The following SYNE2 variants were observed in gnomAD, a reference collection of about 807,000 sequenced individuals.
The protein encoded by SYNE2 is nesprin-2.
In SYNE2, 431 loss-of-function variants were observed where a neutral mutation model predicts 856.3. The observed-to-expected ratio is 0.50, with a 90% confidence interval of 0.47 to 0.55. The LOEUF is 0.55. Ranked by LOEUF, SYNE2 falls within the 20% of genes least tolerant of loss-of-function variation. The probability of loss-of-function intolerance (pLI) is 0.00; values close to 1 mark genes in which losing one functional copy is unlikely to be tolerated. For synonymous variants in SYNE2, 2,923 were observed against 2,872.3 expected (o/e 1.02, Z -0.56); for missense variants, 8,129 against 8,023.2 (o/e 1.01, Z -0.50).
intron 65 of SYNE2, among the ~76,000 whole-genome samples, chr14:64,109,027 C>A (rs907236892): frequency 5.9e-5 from 9 of 152,006 alleles, no homozygotes; most frequent in African/African-American, 1.9e-4. Flanking sequence ...AGGCACACAC[C>A]ATCACGCCTG....
chr14:63,807,865 A>ATATT (rs1267385896), intron 1 of SYNE2, among the ~76,000 whole-genome samples: 1 of 97,404 alleles, frequency 1.0e-5, no homozygotes, highest in African/African-American at 3.7e-5. Context: ...ATATATATAT[A>ATATT]ATTTCAATAG....
At position 64,225,382 on chromosome 14, in the gene SYNE2, CCTGCAGCTGCTCCTCCTG is replaced by C. The variant is rs1567708172; in HGVS notation, c.20585_20602del (p.Gln6862_Leu6867del). The C allele has an allele frequency of 6.2e-7, 1 of 1,614,132 alleles. No homozygotes were observed. Among genetic ancestry groups the C allele is most frequent in the Non-Finnish European group, 8.5e-7 (1 of 1,179,998 alleles). ...CAAGGGTGGTCCGGGCAGCCCTACC[CCTGCAGCTGCTCCTCCTG>C]CTGCTGCTGCTCCTGGCCTGCCTGC... On this transcript the variant is annotated inframe_deletion, in exon 116 of 116. Coordinates refer to ENST00000555002, the MANE Select transcript of SYNE2 (RefSeq NM_182914.3).
intron 108 of SYNE2, among the ~76,000 whole-genome samples, chr14:64,217,257 A>ATGGTCGTGATTATTATTCCTGTAT (rs570542652): frequency 1.1e-4 from 17 of 152,192 alleles, no homozygotes; most frequent in African/African-American, 3.1e-4. Context: ...CTCAGAAGTA[A>ATGGTCGTGATTATTATTCCTGTAT]TGGTCGTGAT....
In SYNE2 at chr14:64,212,179, G is replaced by A. The variant is rs148547914; in HGVS notation, c.18861+81G>A. On this transcript the variant is annotated intron_variant, in intron 104 of 115. Coordinates refer to ENST00000555002, the MANE Select transcript of SYNE2 (RefSeq NM_182914.3). ...AGCTGGCCAAGTGCAAATTTCACAC[G>A]ATACTCTGAGAGCAAATTTCAGAAT... The A allele has an allele frequency of 6.0e-5, 96 of 1,600,642 alleles. No individual in the cohort carries two copies. The East Asian group carries it at 8.7e-4, about 15-fold the overall frequency.
intron 1 of SYNE2, among the ~76,000 whole-genome samples, chr14:63,815,124 CCA>C (rs1384925520): frequency 1.1e-5 from 1 of 93,750 alleles, no homozygotes; most frequent in African/African-American, 3.4e-5. Context: ...CCATATATAT[CCA>C]CATATATATC....
chr14:64,102,073 G>A, intron 64 of SYNE2, 31 bp downstream of exon 64: 1 of 1,489,728 alleles, frequency 6.7e-7, no homozygotes, highest in East Asian at 2.3e-5. Flanking sequence ...CACGCTTAGG[G>A]GTTACGAGGG....
chr14:64,128,615 C>A, intron 74 of SYNE2, 62 bp downstream of exon 74: 2 of 1,019,162 alleles, frequency 2.0e-6, no homozygotes, highest in Non-Finnish European at 3.1e-6. Context: ...TGCATATAAG[C>A]CGTGCTTCTG....
intron 99 of SYNE2, among the ~76,000 whole-genome samples, chr14:64,193,938 A>C (rs917285232): frequency 2.0e-5 from 3 of 152,228 alleles, no homozygotes; most frequent in African/African-American, 7.2e-5. Context: ...GCCAAGGACA[A>C]TGGGAATTCT....
At position 64,137,817 on chromosome 14, in the gene SYNE2, G is replaced by T. The variant is rs772278774; in HGVS notation, c.14677G>T (p.Ala4893Ser). 1.2e-6 allele frequency: 2 copies of T among 1,614,106 alleles called. No homozygotes were observed. The highest frequency in any genetic ancestry group is 2.2e-5 in the East Asian group (1 of 44,886). The stretch of plus-strand genomic sequence containing the variant: ...AAAAAGAAACATTGGTGGAAAACAC[G>T]CCCGGCTTTACCAAACTCTGAACGA... ...QIKRNIGGKH[A>S]RLYQTLNEGK... Residue 4893 changes from alanine (A) to serine (S), a missense_variant, in exon 79 of 116, where the codon GCC becomes TCC. Transcript: ENST00000555002.
chr14:63,828,197 A>G (rs767676455), intron 1 of SYNE2, among the ~76,000 whole-genome samples: 46 of 151,968 alleles, frequency 3.0e-4, no homozygotes, highest in Admixed American at 6.6e-4. Flanking sequence ...ACCCTGTCTC[A>G]AGGGAAAAAA....
intron 1 of SYNE2, among the ~76,000 whole-genome samples, chr14:63,877,160 A>T (rs1298048204): frequency 6.6e-6 from 1 of 152,226 alleles, no homozygotes; most frequent in Admixed American, 6.5e-5. Flanking sequence ...GGGTTTGGAA[A>T]ACTTCCAGCC....
chr14:64,083,988 G>T (rs1341135194), intron 57 of SYNE2, among the ~76,000 whole-genome samples: 1 of 150,990 alleles, frequency 6.6e-6, no homozygotes. Context: ...GCAATGGTGC[G>T]ATCTTGGCTC....
chr14:63,861,162 T>G (rs1032653545), intron 1 of SYNE2, among the ~76,000 whole-genome samples: 4 of 112,492 alleles, frequency 3.6e-5, no homozygotes, highest in Non-Finnish European at 3.8e-5. Flanking sequence ...TTTTTTTTTT[T>G]GAGACGGAGT....
At chr14:63,899,857 A>G (rs1432143296) in intron 1 of SYNE2, among the ~76,000 whole-genome samples, 1 of 152,220 alleles carries the variant, frequency 6.6e-6, no homozygotes, top group African/African-American at 2.4e-5. Context: ...CTGCTGATTA[A>G]GAAATAGGAT....
intron 1 of SYNE2, among the ~76,000 whole-genome samples, chr14:63,805,038 A>T (rs955649780): frequency 6.6e-6 from 1 of 152,194 alleles, no homozygotes; most frequent in Non-Finnish European, 1.5e-5. Flanking sequence ...TTTGTCAAAG[A>T]TCAAATGATT....
At chr14:64,087,524 A>G (rs1234831394) in intron 57 of SYNE2, 147 bp from the exon 58 acceptor site, 1 of 845,202 alleles carries the variant, frequency 1.2e-6, no homozygotes, top group South Asian at 1.3e-5. Flanking sequence ...CATTGACAAT[A>G]GAGGGTGTTC....
At chr14:64,103,305 T>C (rs2097748914) in intron 64 of SYNE2, among the ~76,000 whole-genome samples, 1 of 151,158 alleles carries the variant, frequency 6.6e-6, no homozygotes, top group Admixed American at 6.6e-5. Flanking sequence ...GCATGTAAAT[T>C]AACATGCCAC....
At chr14:64,209,604 C>T in intron 102 of SYNE2, 26 bp downstream of exon 102, 1 of 1,613,210 alleles carries the variant, frequency 6.2e-7, no homozygotes, top group South Asian at 1.1e-5. Context: ...ATCCCGGTCT[C>T]CTGATCATAA....
chr14:64,076,377 T>G (rs2097459695), intron 54 of SYNE2, among the ~76,000 whole-genome samples: 1 of 152,212 alleles, frequency 6.6e-6, no homozygotes, highest in African/African-American at 2.4e-5. Flanking sequence ...TTTACTGGTT[T>G]TGTTTGCTTT....
Sources: allele counts gnomAD v4.1 joint callset (sites outside exome capture counted in the v4.1 genomes callset), GRCh38; gene constraint gnomAD v4.1.1; transcripts MANE v1.5; gene names NCBI Gene and HGNC (gene_info 2026-07-23, HGNC 2026-07-21).